IRAG2: variants seen among roughly 807,000 people sequenced by gnomAD.
IRAG2 encodes the protein lymphoid restricted membrane protein.
Under a neutral mutation model 69.9 loss-of-function variants are expected in IRAG2, and 45 were observed. That is an observed-to-expected ratio of 0.64 (90% CI 0.51 to 0.83). The LOEUF is 0.83. Ranked by LOEUF, IRAG2 falls within the 40% of genes least tolerant of loss-of-function variation. IRAG2 has a pLI of 0.00. For synonymous variants in IRAG2, 193 were observed against 202.4 expected, an observed-to-expected ratio of 0.95 and a Z score of 0.40; for missense variants, 520 against 587.0, an observed-to-expected ratio of 0.89 and a Z score of 1.18.
chr12:25,017,632 C>T (rs1043695474), intron 6 of IRAG2, among the ~76,000 whole-genome samples: 1 of 151,828 alleles, frequency 6.6e-6, no homozygotes, highest in Non-Finnish European at 1.5e-5. Flanking sequence ...GCAAGAAAAT[C>T]GCTTGAATCT....
intron 10 of IRAG2, among the ~76,000 whole-genome samples, chr12:25,087,373 G>A (rs1947698433): frequency 6.6e-6 from 1 of 151,604 alleles, no homozygotes; most frequent in Admixed American, 6.6e-5. Flanking sequence ...TTGCCATGTT[G>A]GCCAGGCTGG....
chr12:25,016,755 G>GA (rs34765422), intron 5 of IRAG2, among the ~76,000 whole-genome samples: 13,202 of 132,392 alleles, frequency 0.1, 594 homozygotes, highest in African/African-American at 0.11. Context: ...CTCAAAAAAT[G>GA]AAAAAAAAAA....
chr12:25,079,630 G>A (rs372192967), intron 8 of IRAG2, 26 bp from the exon 9 acceptor site: 93 of 1,423,558 alleles, frequency 6.5e-5, no homozygotes, highest in Admixed American at 1.5e-4. Context: ...CATAGTATTC[G>A]CACCATTTGT....
intron 16 of IRAG2, among the ~76,000 whole-genome samples, chr12:25,046,092 C>A (rs1185051700): frequency 6.6e-6 from 1 of 152,040 alleles, no homozygotes. Flanking sequence ...TGATATACCA[C>A]ATTAACAGAA....
upstream of IRAG2, among the ~76,000 whole-genome samples, chr12:25,004,077 G>T (rs1944412952): frequency 6.6e-6 from 1 of 152,144 alleles, no homozygotes; most frequent in African/African-American, 2.4e-5. Flanking sequence ...GTTGATGGGT[G>T]TGAAGAGCTT....
intron 9 of IRAG2, among the ~76,000 whole-genome samples, chr12:25,027,073 A>G (rs1250689068): frequency 2.0e-5 from 3 of 151,086 alleles, no homozygotes; most frequent in Non-Finnish European, 4.4e-5. Context: ...TGTAATTCAC[A>G]TGCCTTAAAT....
intron 10 of IRAG2, among the ~76,000 whole-genome samples, chr12:25,086,585 G>C (rs1947621220): frequency 6.6e-6 from 1 of 152,180 alleles, no homozygotes; most frequent in Admixed American, 6.5e-5. Context: ...AGGAAGGAAG[G>C]GAGCATTGAG....
chr12:25,050,082 C>T (rs1342636005), upstream of IRAG2, among the ~76,000 whole-genome samples: 1 of 150,936 alleles, frequency 6.6e-6, no homozygotes, highest in Non-Finnish European at 1.5e-5. Flanking sequence ...GAGATTGCGC[C>T]ACTGCACTCC....
intron 15 of IRAG2, chr12:25,036,733 G>A (rs1167549651): frequency 2.7e-6 from 1 of 375,238 alleles, no homozygotes; most frequent in African/African-American, 2.1e-5. Context: ...CTTCTACTTT[G>A]TTAAGCCAGG....
At chr12:25,047,168 CAATT>C (rs1446756937) in intron 16 of IRAG2, among the ~76,000 whole-genome samples, 1 of 152,118 alleles carries the variant, frequency 6.6e-6, no homozygotes, top group Non-Finnish European at 1.5e-5. Flanking sequence ...AAACAAAAAT[CAATT>C]AAAAATGGAT....
At chr12:25,086,834 GC>G (rs1256333320) in intron 10 of IRAG2, among the ~76,000 whole-genome samples, 1 of 152,174 alleles carries the variant, frequency 6.6e-6, no homozygotes, top group East Asian at 1.9e-4. Flanking sequence ...TTCTTGGAGT[GC>G]TGTGTAAAGG....
At chr12:25,022,003 G>A (rs1254481356) in intron 7 of IRAG2, among the ~76,000 whole-genome samples, 1 of 152,188 alleles carries the variant, frequency 6.6e-6, no homozygotes, top group Non-Finnish European at 1.5e-5. Flanking sequence ...AAGAGCCCAC[G>A]CTTGGGAGTC....
chr12:25,076,472 C>T, intron 6 of IRAG2: 1 of 982,774 alleles, frequency 1.0e-6, no homozygotes, highest in Non-Finnish European at 1.2e-6. Flanking sequence ...TGTATTTTTA[C>T]TGTATTTATT....
chr12:25,034,394 T>C (rs1254824068), intron 13 of IRAG2, among the ~76,000 whole-genome samples: 1 of 152,236 alleles, frequency 6.6e-6, no homozygotes, highest in Non-Finnish European at 1.5e-5. Flanking sequence ...CAGCCCAAAT[T>C]AATGACATTG....
rs940990307 is a variant in IRAG2, at chr12:25,069,059, G to A, written c.-58-291G>A. Among the ~76,000 whole-genome samples the A allele has an allele frequency of 4.6e-5, 7 of 152,166 alleles. No individual in the cohort carries two copies. The South Asian group carries it at 1.5e-3, about 32-fold the overall frequency. On this transcript the variant is annotated intron_variant, in intron 5 of 21. Transcript: ENST00000556887. ...AAAAATGTCAGTGCATTTTGTGAGG[G>A]CCTAATCTACCTCAATAAAATTTCC...
intron 2 of IRAG2, among the ~76,000 whole-genome samples, chr12:25,062,590 A>G (rs931415687): frequency 6.6e-6 from 1 of 152,234 alleles, no homozygotes; most frequent in Non-Finnish European, 1.5e-5. Flanking sequence ...AAAGCCATTC[A>G]GTTTCTTGTT....
At chr12:25,046,786 C>T (rs1336282418) in intron 16 of IRAG2, among the ~76,000 whole-genome samples, 1 of 152,090 alleles carries the variant, frequency 6.6e-6, no homozygotes, top group Admixed American at 6.5e-5. Flanking sequence ...CAATCCCTAA[C>T]AAAAATTCCA....
Position 25,089,599 on chromosome 12 carries a change from A to T in IRAG2, c.374-15A>T, listed in dbSNP as rs1448990930. ...AGCCTTTTTAACCAAATAATATTTT[A>T]TTATATTTTAATAGACTCTGTGGTT... On this transcript the variant is annotated splice_polypyrimidine_tract_variant and intron_variant, in intron 11 of 21. Transcript: ENST00000556887. The T allele has an allele frequency of 6.7e-7, 1 of 1,502,514 alleles. No individual in the cohort carries two copies. The highest frequency in any genetic ancestry group is 1.2e-5 in the South Asian group (1 of 82,456). The allele number at this position is 1,502,514 out of a possible 1,614,324, so 93.1% of individuals were successfully genotyped here.
intron 6 of IRAG2, among the ~76,000 whole-genome samples, chr12:25,077,194 A>AAATATATATGATATATG (rs1946751661): frequency 1.1e-4 from 10 of 90,206 alleles, no homozygotes; most frequent in Non-Finnish European, 1.8e-4. Flanking sequence ...TGATATATAT[A>AAATATATATGATATATG]TGAAATATAT....
Sources: gnomAD v4.1 joint callset for allele counts (sites outside exome capture counted in the v4.1 genomes callset) on GRCh38, gnomAD v4.1.1 for gene constraint, MANE v1.5 for transcripts, NCBI Gene and HGNC (gene_info 2026-07-23, HGNC 2026-07-21) for gene names.